Variants in STARD9 observed in about 807,000 individuals in gnomAD.
STARD9 encodes the protein stAR-related lipid transfer protein 9.
Under a neutral mutation model 399.8 loss-of-function variants are expected in STARD9, and 346 were observed. That is an observed-to-expected ratio of 0.87 (90% CI 0.79 to 0.95). STARD9 has a LOEUF of 0.95. STARD9 is among the 40% of genes least tolerant of loss of function. The pLI, the probability that STARD9 is intolerant of heterozygous loss-of-function variation, is 0.00. For missense variants in STARD9, 5,832 were observed against 5,667.5 expected (o/e 1.03, Z -0.93); for synonymous variants, 2,203 against 2,143.5 (o/e 1.03, Z -0.77).
intron 26 of STARD9, among the ~76,000 whole-genome samples, chr15:42,700,789 C>T (rs920577775): frequency 7.2e-5 from 11 of 152,142 alleles, no homozygotes; most frequent in African/African-American, 2.7e-4. Context: ...CCTCATTTGT[C>T]TATTTTTGCT....
chr15:42,682,639 G>T, intron 22 of STARD9, 64 bp downstream of exon 22: 1 of 1,335,598 alleles, frequency 7.5e-7, no homozygotes. Context: ...TGCCCAGGTA[G>T]TTTTCTGTTT....
At chr15:42,607,651 TACACACACACAC>T (rs10655556) in intron 3 of STARD9, among the ~76,000 whole-genome samples, 192 of 143,772 alleles carry the variant, frequency 1.3e-3, no homozygotes, top group East Asian at 8.0e-3. Context: ...CACACACTTA[TACACACACACAC>T]ACACACACAC....
chr15:42,677,339 AGTGAAGGATGCTACAACAGAAATTGC>A (rs2060331635), intron 20 of STARD9, among the ~76,000 whole-genome samples: 1 of 152,240 alleles, frequency 6.6e-6, no homozygotes, highest in African/African-American at 2.4e-5. Flanking sequence ...AGAGCTGCTG[AGTGAAGGATGCTACAACAGAAATTGC>A]GTGAAGGATG....
At position 42,690,159 on chromosome 15, in the gene STARD9, C is replaced by A; in HGVS notation, c.8581C>A (p.Leu2861Met). Residue 2861 changes from leucine (L) to methionine (M), a missense_variant, in exon 23 of 33, where the codon CTG (leucine) becomes ATG (methionine). By Grantham distance (15) the Leu-to-Met change is conservative (BLOSUM62 2). Coordinates refer to ENST00000290607, the MANE Select transcript of STARD9 (RefSeq NM_020759.3). ...ACAAGATACCATTCTGCCTGGAGCT[C>A]TGACAAGGGTTGCACTGGAAGCTCC... Reference protein sequence around the residue: ...PKQDTILPGALTRVALEAPTQ... With the variant: ...PKQDTILPGAMTRVALEAPTQ... The A allele has an allele frequency of 6.5e-7, 1 of 1,537,798 alleles. No homozygotes were observed. Among genetic ancestry groups the A allele is most frequent in the Non-Finnish European group, 8.7e-7 (1 of 1,147,034 alleles).
At chr15:42,677,263 C>CAA (rs1000583456) in intron 20 of STARD9, among the ~76,000 whole-genome samples, 1 of 152,044 alleles carries the variant, frequency 6.6e-6, no homozygotes, top group Non-Finnish European at 1.5e-5. Flanking sequence ...GACTCCGTCT[C>CAA]AAAAAAAGAA....
chr15:42,667,346 G>A (rs913434689), intron 15 of STARD9, among the ~76,000 whole-genome samples: 3 of 151,262 alleles, frequency 2.0e-5, no homozygotes, highest in Admixed American at 1.3e-4. Context: ...CACCACGCCC[G>A]ACTAATTTTT....
chr15:42,691,272 C>A lies in STARD9; in HGVS notation c.9694C>A (p.Pro3232Thr). 1 of 1,537,218 alleles carries A rather than the reference C, an allele frequency of 6.5e-7. No homozygotes were observed. The highest frequency in any genetic ancestry group is 8.7e-7 in the Non-Finnish European group (1 of 1,146,880). ...AGAAGGCTTCGCCCAGGGTGTGAAT[C>A]CCCTTCCTGATGAAGATGGCTTAGA... ...GGEGFAQGVN[P>T]LPDEDGLDGC... Residue 3232 changes from proline (P) to threonine (T), a missense_variant, in exon 23 of 33, where the codon CCC becomes ACC. Pro to Thr is a conservative substitution (Grantham distance 38). This residue lies in a region of STARD9 where 5,828 missense variants were observed against 5,651.1 expected (regional missense o/e 1.03). Coordinates refer to ENST00000290607, the MANE Select transcript of STARD9 (RefSeq NM_020759.3).
chr15:42,697,625 A>G (rs1555408451), intron 26 of STARD9, among the ~76,000 whole-genome samples: 1 of 152,198 alleles, frequency 6.6e-6, no homozygotes. Flanking sequence ...ACCTGACCTC[A>G]TGTGACACAT....
intron 3 of STARD9, among the ~76,000 whole-genome samples, chr15:42,590,467 G>A (rs1388658982): frequency 6.6e-6 from 1 of 152,166 alleles, no homozygotes; most frequent in Non-Finnish European, 1.5e-5. Flanking sequence ...TAGTGGATAT[G>A]GAGGGAGTAT....
At chr15:42,619,255 G>C (rs2059034873) in intron 3 of STARD9, among the ~76,000 whole-genome samples, 1 of 152,024 alleles carries the variant, frequency 6.6e-6, no homozygotes, top group Non-Finnish European at 1.5e-5. Context: ...ACACTATCCT[G>C]CCACCCTAAC....
Position 42,686,874 on chromosome 15 carries a change from T to TGCAGA in STARD9, c.5298_5302dup (p.Glu1768AlafsTer4). 6.5e-7 allele frequency: 1 copy of TGCAGA among 1,537,032 alleles called. No individual in the cohort carries two copies. Among genetic ancestry groups the TGCAGA allele is most frequent in the East Asian group, 2.4e-5 (1 of 40,924 alleles). ...AGAAACTGCCTTAGAGATTCCAGCT[T>TGCAGA]GCAGAGAAGTAAGGGTACCCTCCCC... On this transcript the variant is annotated frameshift_variant, in exon 23 of 33. Coordinates refer to ENST00000290607, the MANE Select transcript of STARD9 (RefSeq NM_020759.3). LOFTEE classifies it high-confidence loss of function.
chr15:42,696,696 T>C (rs190512413), intron 26 of STARD9, among the ~76,000 whole-genome samples: 1 of 152,158 alleles, frequency 6.6e-6, no homozygotes, highest in African/African-American at 2.4e-5. Context: ...GCACTGCTAG[T>C]GAAGACGAAC....
intron 3 of STARD9, among the ~76,000 whole-genome samples, chr15:42,611,167 A>G (rs1322915723): frequency 1.3e-5 from 2 of 152,076 alleles, no homozygotes; most frequent in South Asian, 2.1e-4. Flanking sequence ...TCTTGCCACC[A>G]CCTGTTTTAG....
At chr15:42,704,636 T>C (rs989802893) in intron 26 of STARD9, among the ~76,000 whole-genome samples, 26 of 152,198 alleles carry the variant, frequency 1.7e-4, no homozygotes, top group African/African-American at 6.3e-4. Flanking sequence ...CCAATGTCCC[T>C]GGCCCCGATG....
intron 3 of STARD9, among the ~76,000 whole-genome samples, chr15:42,611,595 C>T (rs1168340419): frequency 1.3e-5 from 2 of 152,164 alleles, no homozygotes; most frequent in Non-Finnish European, 2.9e-5. Flanking sequence ...TTTTATACTG[C>T]CACCCTCATT....
At chr15:42,654,536 A>C (rs1178564100) in intron 9 of STARD9, among the ~76,000 whole-genome samples, 1 of 152,194 alleles carries the variant, frequency 6.6e-6, no homozygotes, top group Non-Finnish European at 1.5e-5. Flanking sequence ...AAAACCCTAA[A>C]GACTTATCCA....
At position 42,688,774 on chromosome 15, in the gene STARD9, G is replaced by C. The variant is rs754710938; in HGVS notation, c.7196G>C (p.Arg2399Pro). Residue 2399 changes from arginine to proline, a missense_variant, in exon 23 of 33, where the codon CGT (arginine) becomes CCT (proline). Around this residue, in one of 2 missense-constraint regions of STARD9, gnomAD observed 5,828 missense variants for 5,651.1 expected, o/e 1.03. Transcript: ENST00000290607. ...SHSPEGNVRG[R>P]SSEAHTAWCG... ...AGCCCCGAAGGAAATGTTAGAGGGC[G>C]TTCCTCTGAGGCACACACTGCCTGG... The C allele has an allele frequency of 1.9e-5, 29 of 1,537,456 alleles. No individual in the cohort carries two copies. Among genetic ancestry groups the C allele is most frequent in the Admixed American group, 9.8e-5 (5 of 50,982 alleles).
At chr15:42,596,104 T>TC (rs1050033640) in intron 3 of STARD9, among the ~76,000 whole-genome samples, 11 of 152,204 alleles carry the variant, frequency 7.2e-5, no homozygotes, top group African/African-American at 2.4e-4. Flanking sequence ...TGTGGATTTT[T>TC]CCCCCTGTAA....
intron 32 of STARD9, 54 bp downstream of exon 32, chr15:42,718,964 C>T (rs531067051): frequency 2.3e-4 from 349 of 1,489,642 alleles, no homozygotes; most frequent in South Asian, 4.4e-4. Flanking sequence ...GGTCCCACAG[C>T]CCCCTGGGAT....
Sources: gnomAD v4.1 joint callset for allele counts (sites outside exome capture counted in the v4.1 genomes callset) on GRCh38, gnomAD v4.1.1 for gene constraint, gnomAD v4.1.1 regional missense constraint, MANE v1.5 for transcripts, NCBI Gene and HGNC (gene_info 2026-07-23, HGNC 2026-07-21) for gene names.